The following PCSK5 variants were observed in gnomAD, a reference collection of about 807,000 sequenced individuals.
PCSK5 encodes prohormone convertase 5.
A neutral mutation model predicts 233.2 loss-of-function variants in PCSK5; 129 were observed. The observed-to-expected ratio is 0.55, with a 90% CI of 0.48 to 0.64. The LOEUF (loss-of-function observed/expected upper bound fraction) is 0.64. PCSK5 is among the 30% of genes least tolerant of loss of function. The probability of loss-of-function intolerance (pLI) is 0.00; values close to 1 mark genes in which losing one functional copy is unlikely to be tolerated. For missense variants in PCSK5, 2,076 were observed against 2,430.1 expected, an observed-to-expected ratio of 0.85 and a Z score of 3.06; for synonymous variants, 825 against 879.2, an observed-to-expected ratio of 0.94 and a Z score of 1.09.
intron 13 of PCSK5, among the ~76,000 whole-genome samples, chr9:76,171,077 T>C (rs1823313172): frequency 6.6e-6 from 1 of 152,184 alleles, no homozygotes; most frequent in Non-Finnish European, 1.5e-5. Flanking sequence ...AGCCTGAATA[T>C]AGTGGTAACC....
At chr9:76,331,680 AAGAG>A (rs1378286816) in intron 33 of PCSK5, among the ~76,000 whole-genome samples, 1 of 151,734 alleles carries the variant, frequency 6.6e-6, no homozygotes, top group African/African-American at 2.4e-5. Context: ...AAAAAAAAAA[AAGAG>A]AGATGCCAGG....
rs568196391 is a variant in PCSK5, at chr9:75,919,784, C to G, written c.193-12595C>G. On this transcript the variant is annotated intron_variant, in intron 1 of 37. Transcript: ENST00000674117. The stretch of plus-strand genomic sequence containing the variant: ...TTATCCACAGATGCTGCTGCTCTTC[C>G]CCTAGTCTGGGCCCACTTTTGTGGT... 2.0e-5 allele frequency among the ~76,000 whole-genome samples: 3 copies of G among 152,290 alleles called. No individual in the cohort carries two copies. The East Asian group carries it at 5.8e-4, about 29-fold the overall frequency.
intron 20 of PCSK5, chr9:76,194,748 G>A (rs112938332): frequency 2.1e-5 from 10 of 467,204 alleles, no homozygotes; most frequent in African/African-American, 1.0e-4. Flanking sequence ...CAGTTTCTCT[G>A]TTTAGGGGAG....
At chr9:76,169,648 C>G in intron 12 of PCSK5, 56 bp from the exon 13 acceptor site, 3 of 1,567,152 alleles carry the variant, frequency 1.9e-6, no homozygotes, top group Non-Finnish European at 2.6e-6. Flanking sequence ...GTGGTATTAA[C>G]TAGACCCTCA....
chr9:76,331,912 G>C (rs1452288828), intron 33 of PCSK5, among the ~76,000 whole-genome samples: 1 of 152,190 alleles, frequency 6.6e-6, no homozygotes, highest in Admixed American at 6.5e-5. Context: ...CTCCAGAACA[G>C]TAAGATAATA....
intron 24 of PCSK5, among the ~76,000 whole-genome samples, chr9:76,261,812 G>A (rs1262236865): frequency 6.6e-6 from 1 of 152,154 alleles, no homozygotes; most frequent in Non-Finnish European, 1.5e-5. Flanking sequence ...CTGTTTGTCT[G>A]TTATTGGTGT....
chr9:75,988,293 C>CA (rs1826613547), intron 3 of PCSK5, among the ~76,000 whole-genome samples: 2 of 144,734 alleles, frequency 1.4e-5, no homozygotes, highest in African/African-American at 5.0e-5. Context: ...CTTTTCTTTT[C>CA]TTTTTTTTTT....
intron 17 of PCSK5, among the ~76,000 whole-genome samples, chr9:76,185,546 T>C (rs984374554): frequency 3.3e-5 from 5 of 152,308 alleles, no homozygotes; most frequent in Admixed American, 3.3e-4. Context: ...CATTAACCAG[T>C]ATTGGAGCAT....
rs1828409220 is a variant in PCSK5, at chr9:76,295,417, T to C, written c.3322+6T>C. The C allele has an allele frequency of 6.2e-7, 1 of 1,611,664 alleles. No individual in the cohort carries two copies. Among genetic ancestry groups the C allele is most frequent in the African/African-American group, 1.3e-5 (1 of 74,952 alleles). Reference sequence around the variant, plus strand: ...AGAGGGCTTCTTTCTCTTAGGTAAGTTAGAAAATGGCACCATCCAAGCTAA... The same window carrying C: ...AGAGGGCTTCTTTCTCTTAGGTAAGCTAGAAAATGGCACCATCCAAGCTAA... On this transcript the variant is annotated splice_donor_region_variant and intron_variant, in intron 26 of 37. Coordinates refer to ENST00000674117, the MANE Select transcript of PCSK5 (RefSeq NM_001372043.1).
intron 33 of PCSK5, 62 bp downstream of exon 33, chr9:76,328,301 C>A: frequency 8.4e-7 from 1 of 1,195,058 alleles, no homozygotes; most frequent in Non-Finnish European, 1.2e-6. Flanking sequence ...GCCTTGCACA[C>A]TGCCTTGTCC....
At chr9:75,897,536 C>G (rs1825864242) in intron 1 of PCSK5, among the ~76,000 whole-genome samples, 1 of 148,340 alleles carries the variant, frequency 6.7e-6, no homozygotes. Flanking sequence ...CTTTTTGGCC[C>G]AGGCTGGAGT....
At chr9:75,984,290 T>A (rs1391377167) in intron 2 of PCSK5, among the ~76,000 whole-genome samples, 1 of 152,226 alleles carries the variant, frequency 6.6e-6, no homozygotes, top group Non-Finnish European at 1.5e-5. Context: ...AAGGAACTGT[T>A]ATCCACTCCC....
At chr9:76,057,505 G>C (rs558482580) in intron 5 of PCSK5, among the ~76,000 whole-genome samples, 1 of 152,160 alleles carries the variant, frequency 6.6e-6, no homozygotes, top group South Asian at 2.1e-4. Context: ...TTATTTAACT[G>C]TTACATAATG....
At chr9:76,117,007 T>C (rs371661815) in intron 9 of PCSK5, among the ~76,000 whole-genome samples, 4 of 53,452 alleles carry the variant, frequency 7.5e-5, no homozygotes, top group African/African-American at 1.8e-4. Context: ...GTTTAAACTC[T>C]AAATCTTGAT....
chr9:75,995,781 A>ACACACACACACTC (rs1491211865), intron 3 of PCSK5, among the ~76,000 whole-genome samples: 1 of 145,348 alleles, frequency 6.9e-6, no homozygotes, highest in Admixed American at 7.0e-5. Context: ...ACACACACAC[A>ACACACACACACTC]CTCACACCTC....
At chr9:76,111,575 A>AT (rs938379066) in intron 9 of PCSK5, among the ~76,000 whole-genome samples, 8 of 151,918 alleles carry the variant, frequency 5.3e-5, no homozygotes, top group African/African-American at 1.7e-4. Flanking sequence ...TAATAGTATG[A>AT]TTTTTTTTCT....
At chr9:76,308,300 C>G (rs926050083) in intron 28 of PCSK5, among the ~76,000 whole-genome samples, 6 of 152,258 alleles carry the variant, frequency 3.9e-5, no homozygotes, top group Admixed American at 6.5e-5. Context: ...CACACAAATA[C>G]AAACTCACTC....
chr9:76,242,764 GT>G (rs1826469535), intron 24 of PCSK5, among the ~76,000 whole-genome samples: 1 of 152,184 alleles, frequency 6.6e-6, no homozygotes, highest in Admixed American at 6.5e-5. Flanking sequence ...GCTGTTGTGT[GT>G]TGTGTGCCCA....
intron 2 of PCSK5, among the ~76,000 whole-genome samples, chr9:75,939,532 T>G (rs1281481620): frequency 6.6e-6 from 1 of 152,170 alleles, no homozygotes; most frequent in Non-Finnish European, 1.5e-5. Context: ...TGGAAGCTCT[T>G]TAGTTGCTCA....
Sources: gnomAD v4.1 joint callset for allele counts (sites outside exome capture counted in the v4.1 genomes callset) on GRCh38, gnomAD v4.1.1 for gene constraint, MANE v1.5 for transcripts, NCBI Gene and HGNC (gene_info 2026-07-23, HGNC 2026-07-21) for gene names.